Variants in FNIP1 observed in about 807,000 individuals in gnomAD.
FNIP1 encodes folliculin-interacting protein 1.
A neutral mutation model predicts 124.5 loss-of-function variants in FNIP1; 40 were observed. The observed-to-expected ratio is 0.32, with a 90% CI of 0.25 to 0.42. The LOEUF (loss-of-function observed/expected upper bound fraction) is 0.42, where lower values mean the gene tolerates loss of function less well. FNIP1 is among the 10% of genes least tolerant of loss of function. The pLI, the probability that FNIP1 is intolerant of heterozygous loss-of-function variation, is 1.00. For synonymous variants in FNIP1, 472 were observed against 470.6 expected, an observed-to-expected ratio of 1.00 and a Z score of -0.04; for missense variants, 1,176 against 1,403.7, an observed-to-expected ratio of 0.84 and a Z score of 2.59.
intron 3 of FNIP1, among the ~76,000 whole-genome samples, chr5:131,722,198 G>A (rs182840020): frequency 2.0e-5 from 3 of 152,290 alleles, no homozygotes; most frequent in African/African-American, 7.2e-5. Flanking sequence ...AGATGGAGAT[G>A]TCATATTATA....
At position 131,735,492 on chromosome 5, in the gene FNIP1, TAC is replaced by T. The variant is rs886995098; in HGVS notation, c.220-4456_220-4455del. 3.4e-3 allele frequency among the ~76,000 whole-genome samples: 498 copies of T among 148,648 alleles called. 4 individuals are homozygous for T. The highest frequency in any genetic ancestry group is 0.012 in the African/African-American group (470 of 40,836). On this transcript the variant is annotated intron_variant, in intron 2 of 17. Coordinates refer to ENST00000510461, the MANE Select transcript of FNIP1 (RefSeq NM_133372.3). ...ACACACATACGTATATATGTATATA[TAC>T]GTATAAAATATGTATATATACGTAT...
intron 3 of FNIP1, among the ~76,000 whole-genome samples, chr5:131,729,104 T>G (rs1399375027): frequency 6.6e-6 from 1 of 152,016 alleles, no homozygotes; most frequent in African/African-American, 2.4e-5. Context: ...AGCTCTCCTG[T>G]ATGTGATGTC....
At chr5:131,718,546 T>C (rs1769547408) in intron 5 of FNIP1, among the ~76,000 whole-genome samples, 1 of 152,240 alleles carries the variant, frequency 6.6e-6, no homozygotes, top group Non-Finnish European at 1.5e-5. Flanking sequence ...TTTGCATTAA[T>C]AGCTTGTAAT....
At chr5:131,699,990 T>C (rs1768843558) in intron 10 of FNIP1, among the ~76,000 whole-genome samples, 1 of 138,878 alleles carries the variant, frequency 7.2e-6, no homozygotes, top group Admixed American at 7.2e-5. Context: ...TAATATTTGC[T>C]TTTTTTTTTT....
At position 131,796,950 on chromosome 5, in the gene FNIP1, C is replaced by G. The variant is rs1359575652; in HGVS notation, c.-29G>C. ...AGCCACGGCCAGGCAGGGGTCGCTC[C>G]GCTGGGCGCTTGCTAGGCCCCTGCT... On this transcript the variant is annotated 5_prime_UTR_variant, in exon 1 of 18. Transcript: ENST00000510461. 6.4e-7 allele frequency: 1 copy of G among 1,570,512 alleles called. No individual in the cohort carries two copies. The highest frequency in any genetic ancestry group is 1.8e-5 in the Admixed American group (1 of 54,624).
At chr5:131,709,381 TA>T in intron 7 of FNIP1, 109 bp from the exon 8 acceptor site, 2 of 903,234 alleles carry the variant, frequency 2.2e-6, no homozygotes, top group South Asian at 2.9e-5. Flanking sequence ...TGCATTCCCT[TA>T]TTTTTTTCAA....
At chr5:131,692,425 T>C (rs532418974) in intron 11 of FNIP1, among the ~76,000 whole-genome samples, 1 of 151,768 alleles carries the variant, frequency 6.6e-6, no homozygotes, top group South Asian at 2.1e-4. Flanking sequence ...TAAATGGGAA[T>C]AGTTTCCATG....
At chr5:131,790,091 T>C (rs541179188) in intron 1 of FNIP1, among the ~76,000 whole-genome samples, 12 of 152,240 alleles carry the variant, frequency 7.9e-5, no homozygotes, top group Non-Finnish European at 1.6e-4. Context: ...TTTCATTTAT[T>C]CATTCTACAA....
At chr5:131,723,164 G>A (rs1202124746) in intron 3 of FNIP1, among the ~76,000 whole-genome samples, 1 of 151,998 alleles carries the variant, frequency 6.6e-6, no homozygotes, top group African/African-American at 2.4e-5. Context: ...TGATAAAATA[G>A]CTATTTAAAA....
chr5:131,693,866 G>A (rs140284005), intron 11 of FNIP1, among the ~76,000 whole-genome samples: 220 of 151,254 alleles, frequency 1.5e-3, no homozygotes, highest in African/African-American at 4.5e-3. Context: ...AACAAAAACC[G>A]TCAAAACTCA....
At chr5:131,770,945 T>A (rs967162253) in intron 1 of FNIP1, among the ~76,000 whole-genome samples, 1 of 152,304 alleles carries the variant, frequency 6.6e-6, no homozygotes, top group South Asian at 2.1e-4. Flanking sequence ...AATTCTTTTT[T>A]TTATTATTAT....
At chr5:131,691,535 C>G (rs2149525266) in intron 11 of FNIP1, among the ~76,000 whole-genome samples, 1 of 152,156 alleles carries the variant, frequency 6.6e-6, no homozygotes, top group South Asian at 2.1e-4. Flanking sequence ...ATCAACAAAA[C>G]CAAACGCTGG....
intron 13 of FNIP1, among the ~76,000 whole-genome samples, chr5:131,674,939 C>T (rs551202147): frequency 4.9e-4 from 75 of 152,272 alleles, no homozygotes; most frequent in African/African-American, 1.6e-3. Context: ...CAAATATCAC[C>T]ATGCCACTGT....
intron 6 of FNIP1, among the ~76,000 whole-genome samples, chr5:131,711,270 C>G (rs1769283394): frequency 2.0e-5 from 3 of 152,186 alleles, no homozygotes; most frequent in Admixed American, 1.3e-4. Context: ...AAATGAAGCT[C>G]ATCAGGGACC....
intron 1 of FNIP1, among the ~76,000 whole-genome samples, chr5:131,745,620 T>C (rs528847105): frequency 5.4e-4 from 82 of 152,226 alleles, no homozygotes; most frequent in African/African-American, 1.7e-3. Flanking sequence ...TATATGTGTG[T>C]GTATACATAC....
chr5:131,796,933 C>A lies in FNIP1; in HGVS notation c.-12G>T. ...AGCGTAGGGGCCATGCTAGCCACGG[C>A]CAGGCAGGGGTCGCTCCGCTGGGCG... On this transcript the variant is annotated 5_prime_UTR_variant, in exon 1 of 18. Transcript: ENST00000510461. The A allele has an allele frequency of 1.9e-6, 3 of 1,594,286 alleles. No homozygotes were observed. The highest frequency in any genetic ancestry group is 2.6e-6 in the Non-Finnish European group (3 of 1,171,000).
intron 1 of FNIP1, among the ~76,000 whole-genome samples, chr5:131,755,984 C>T (rs1771039274): frequency 6.6e-6 from 1 of 151,002 alleles, no homozygotes; most frequent in African/African-American, 2.4e-5. Flanking sequence ...CACTGTATTC[C>T]AGCCTGGGCG....
chr5:131,682,493 C>T (rs1467006277), intron 11 of FNIP1, among the ~76,000 whole-genome samples: 2 of 151,806 alleles, frequency 1.3e-5, no homozygotes, highest in South Asian at 4.2e-4. Flanking sequence ...TCTAGGTGGG[C>T]GGATCACCTG....
intron 9 of FNIP1, among the ~76,000 whole-genome samples, chr5:131,705,886 T>C (rs544422334): frequency 1.3e-5 from 2 of 152,310 alleles, no homozygotes; most frequent in South Asian, 4.1e-4. Context: ...AAATGTGGTA[T>C]GTATATACAA....
Sources: allele counts gnomAD v4.1 joint callset (sites outside exome capture counted in the v4.1 genomes callset), GRCh38; gene constraint gnomAD v4.1.1; transcripts MANE v1.5; gene names NCBI Gene and HGNC (gene_info 2026-07-23, HGNC 2026-07-21).